The following GRM8 variants were observed in gnomAD, a reference collection of about 807,000 sequenced individuals.
GRM8 encodes metabotropic glutamate receptor 8.
Under a neutral mutation model 87.2 loss-of-function variants are expected in GRM8, and 47 were observed. The ratio of observed to expected loss-of-function variants is 0.54; its 90% confidence interval spans 0.43 to 0.69. GRM8 has a LOEUF of 0.69. GRM8 is among the 30% of genes least tolerant of loss of function. The pLI, the probability that GRM8 is intolerant of heterozygous loss-of-function variation, is 0.00. For synonymous variants in GRM8, 396 were observed against 404.5 expected (o/e 0.98, Z 0.25); for missense variants, 1,019 against 1,139.2 (o/e 0.89, Z 1.52).
intron 3 of GRM8, among the ~76,000 whole-genome samples, chr7:127,076,391 C>T (rs1563481942): frequency 1.3e-5 from 2 of 152,180 alleles, no homozygotes; most frequent in Non-Finnish European, 2.9e-5. Context: ...TTTCATTCAT[C>T]ATTATCAGCA....
At chr7:126,725,261 C>T (rs924075425) in intron 7 of GRM8, among the ~76,000 whole-genome samples, 8 of 152,158 alleles carry the variant, frequency 5.3e-5, no homozygotes, top group Non-Finnish European at 1.0e-4. Context: ...ATACATGTGA[C>T]GCATGTTTAT....
intron 2 of GRM8, among the ~76,000 whole-genome samples, chr7:127,212,196 A>C (rs938995728): frequency 1.3e-5 from 2 of 152,182 alleles, no homozygotes; most frequent in African/African-American, 4.8e-5. Context: ...ACTATTTTTC[A>C]AACAGCTGAG....
chr7:126,634,656 C>A (rs1457578493), intron 7 of GRM8, among the ~76,000 whole-genome samples: 1 of 141,954 alleles, frequency 7.0e-6, no homozygotes, highest in Admixed American at 7.1e-5. Flanking sequence ...CTCCCCCTGG[C>A]CTTCCTGCCT....
intron 9 of GRM8, among the ~76,000 whole-genome samples, chr7:126,469,626 C>A (rs932403653): frequency 3.3e-5 from 5 of 152,166 alleles, no homozygotes; most frequent in African/African-American, 1.2e-4. Flanking sequence ...TTGCTCTGCA[C>A]TTCTTCGTCC....
rs1554492201 is a variant in GRM8, at chr7:126,788,420, A to AACAAAAAACAAAAAACAAAAAAC, written c.1157-18356_1157-18355insGTTTTTTGTTTTTTGTTTTTTGT. Among the ~76,000 whole-genome samples, 7 of 81,132 alleles carry AACAAAAAACAAAAAACAAAAAAC rather than the reference A, an allele frequency of 8.6e-5. 1 individual carries two copies. Among genetic ancestry groups the AACAAAAAACAAAAAACAAAAAAC allele is most frequent in the Non-Finnish European group, 1.6e-4 (7 of 42,990 alleles). The allele number at this position is 81,132 out of a possible 152,430, so 53.2% of individuals were successfully genotyped here. On this transcript the variant is annotated intron_variant, in intron 6 of 10. Transcript: ENST00000339582. ...GCAAGACTCCATCTCAAAAAAAAAA[A>AACAAAAAACAAAAAACAAAAAAC]AAACCCTTTCAGATATCTTTAACAT...
chr7:126,811,865 T>C (rs1344236518), intron 6 of GRM8, among the ~76,000 whole-genome samples: 2 of 152,056 alleles, frequency 1.3e-5, no homozygotes, highest in African/African-American at 4.8e-5. Context: ...TCTTCTTGCC[T>C]AATTGCTGTG....
chr7:126,606,195 T>C (rs922754952), intron 8 of GRM8, among the ~76,000 whole-genome samples: 10 of 152,208 alleles, frequency 6.6e-5, no homozygotes, highest in African/African-American at 9.6e-5. Flanking sequence ...GTCAGCATTT[T>C]AAATGCAGAG....
At chr7:127,170,045 A>T (rs1316232142) in intron 2 of GRM8, among the ~76,000 whole-genome samples, 1 of 152,174 alleles carries the variant, frequency 6.6e-6, no homozygotes. Context: ...TTCAAGTCTT[A>T]TTGTTAAGAA....
At chr7:126,662,381 T>C (rs1166843914) in intron 7 of GRM8, among the ~76,000 whole-genome samples, 4 of 152,074 alleles carry the variant, frequency 2.6e-5, no homozygotes, top group Non-Finnish European at 5.9e-5. Flanking sequence ...ATCAGATGAA[T>C]AGAAGCCAGG....
chr7:127,042,379 A>AG (rs1818506530), intron 3 of GRM8, among the ~76,000 whole-genome samples: 1 of 152,228 alleles, frequency 6.6e-6, no homozygotes, highest in Non-Finnish European at 1.5e-5. Flanking sequence ...CAAGGCACAG[A>AG]GGGGTCATGG....
intron 6 of GRM8, among the ~76,000 whole-genome samples, chr7:126,855,175 G>T (rs1338680897): frequency 1.3e-5 from 2 of 152,134 alleles, no homozygotes; most frequent in African/African-American, 4.8e-5. Context: ...TAGGAAACTG[G>T]AGAGTATTTC....
rs986114843 is a variant in GRM8, at chr7:126,601,180, T to C, written c.1494+8182A>G. Among the ~76,000 whole-genome samples the C allele has an allele frequency of 2.7e-5, 4 of 150,134 alleles. No homozygotes were observed. The Admixed American group carries it at 2.7e-4, about 10-fold the overall frequency. ...CCCACCTATGAGTGAGAATATGCGG[T>C]GTTTGGTTTTTTGTACTTGCGATAG... is the stretch of plus-strand genomic sequence containing the variant. On this transcript the variant is annotated intron_variant, in intron 8 of 10. Coordinates refer to ENST00000339582, the MANE Select transcript of GRM8 (RefSeq NM_000845.3).
At chr7:126,596,436 G>A (rs1428074325) in intron 8 of GRM8, among the ~76,000 whole-genome samples, 1 of 152,024 alleles carries the variant, frequency 6.6e-6, no homozygotes, top group Admixed American at 6.6e-5. Flanking sequence ...TCATATACTT[G>A]TTGGCTACAT....
chr7:126,844,605 T>C (rs1796553253), intron 6 of GRM8, among the ~76,000 whole-genome samples: 1 of 152,142 alleles, frequency 6.6e-6, no homozygotes, highest in Non-Finnish European at 1.5e-5. Flanking sequence ...ACACTATAGA[T>C]TGAGTGGCTA....
At chr7:126,763,264 C>T (rs936995370) in intron 7 of GRM8, among the ~76,000 whole-genome samples, 11 of 151,352 alleles carry the variant, frequency 7.3e-5, no homozygotes, top group Admixed American at 4.0e-4. Flanking sequence ...AATAAACCTT[C>T]GCCTACATTT....
chr7:126,940,149 A>T (rs771891074), intron 3 of GRM8, among the ~76,000 whole-genome samples: 4 of 152,192 alleles, frequency 2.6e-5, no homozygotes, highest in Non-Finnish European at 5.9e-5. Flanking sequence ...TTTCCGGATT[A>T]AAATAGAACC....
chr7:126,857,493 T>TA (rs897554863), intron 6 of GRM8, among the ~76,000 whole-genome samples: 8 of 152,084 alleles, frequency 5.3e-5, no homozygotes, highest in Admixed American at 3.3e-4. Flanking sequence ...AAATGTGTTC[T>TA]AAAAAAAGTT....
intron 9 of GRM8, among the ~76,000 whole-genome samples, chr7:126,527,368 G>T (rs546466717): frequency 1.3e-5 from 2 of 152,142 alleles, no homozygotes; most frequent in South Asian, 4.2e-4. Flanking sequence ...AAAAAGAAAA[G>T]AAAAGAAAAG....
intron 3 of GRM8, among the ~76,000 whole-genome samples, chr7:127,044,332 T>C (rs1190257211): frequency 6.6e-6 from 1 of 152,176 alleles, no homozygotes; most frequent in Admixed American, 6.6e-5. Flanking sequence ...CTACTCCACC[T>C]GCCTACAGAC....
Sources: gnomAD v4.1 joint callset for allele counts (sites outside exome capture counted in the v4.1 genomes callset) on GRCh38, gnomAD v4.1.1 for gene constraint, MANE v1.5 for transcripts, NCBI Gene and HGNC (gene_info 2026-07-23, HGNC 2026-07-21) for gene names.